The following TAF2 variants were observed in gnomAD, a reference collection of about 807,000 sequenced individuals.
TAF2 encodes TATA-box binding protein associated factor 2.
A neutral mutation model predicts 138.5 loss-of-function variants in TAF2; 61 were observed. That is an observed-to-expected ratio of 0.44 (90% CI 0.36 to 0.54). The LOEUF is 0.54. Among genes scored for constraint, TAF2 ranks in the 20% least tolerant of loss-of-function variants. The pLI, the probability that TAF2 is intolerant of heterozygous loss-of-function variation, is 0.00. For synonymous variants in TAF2, 475 were observed against 469.9 expected, an observed-to-expected ratio of 1.01 and a Z score of -0.14; for missense variants, 1,090 against 1,427.9, an observed-to-expected ratio of 0.76 and a Z score of 3.81.
Position 119,832,482 on chromosome 8 carries a change from A to G in TAF2, c.83T>C (p.Leu28Ser). The G allele has an allele frequency of 6.2e-7, 1 of 1,613,458 alleles. No individual in the cohort carries two copies. Among genetic ancestry groups the G allele is most frequent in the Non-Finnish European group, 8.5e-7 (1 of 1,179,696 alleles). ...KGFESPRPYK[L>S]THQVVCINNI... Reference sequence around the variant, plus strand: ...GGAAGGGAAATGAAAAAATACTTATAATTTATATGGCCTTGGGCTTTCAAA... The same window carrying G: ...GGAAGGGAAATGAAAAAATACTTATGATTTATATGGCCTTGGGCTTTCAAA... The change falls in exon 1 of 26, where the codon TTA becomes TCA. Residue 28 changes from leucine (L) to serine (S), a missense_variant and splice_region_variant. By Grantham distance (145) the Leu-to-Ser change is moderately radical. This residue lies in a region of TAF2 where 504 missense variants were observed against 680.9 expected (regional missense o/e 0.74). Transcript: ENST00000378164.
intron 25 of TAF2, among the ~76,000 whole-genome samples, chr8:119,733,441 G>C (rs1036672599): frequency 6.6e-6 from 1 of 152,158 alleles, no homozygotes. Context: ...TGTCCTGTTA[G>C]CCTTTAGCTA....
chr8:119,791,998 G>A (rs1284136940), intron 10 of TAF2: 1 of 152,618 alleles, frequency 6.6e-6, no homozygotes, highest in Non-Finnish European at 1.5e-5. Flanking sequence ...TAAATTTAGA[G>A]AAAGATACAG....
intron 22 of TAF2, among the ~76,000 whole-genome samples, chr8:119,754,828 A>G (rs1050858680): frequency 9.2e-5 from 14 of 152,240 alleles, no homozygotes; most frequent in Non-Finnish European, 2.9e-5. Flanking sequence ...CACAGACATA[A>G]GGCAAATTTT....
chr8:119,812,233 T>C (rs1825119492), intron 3 of TAF2, among the ~76,000 whole-genome samples: 1 of 152,206 alleles, frequency 6.6e-6, no homozygotes, highest in Non-Finnish European at 1.5e-5. Context: ...TATGTGACCT[T>C]GTTAGGTTAA....
chr8:119,832,685 G>A lies in TAF2; in HGVS notation c.-121C>T, dbSNP rs1826543625. ...CCCAAGTCACGTCTCGCAGCTGGCC[G>A]GTGCCCAGGTGAGCGACCTGACGGG... is the stretch of plus-strand genomic sequence containing the variant. On this transcript the variant is annotated 5_prime_UTR_variant, in exon 1 of 26. Transcript: ENST00000378164. 5.6e-6 allele frequency: 5 copies of A among 900,166 alleles called. No homozygotes were observed. Among genetic ancestry groups the A allele is most frequent in the African/African-American group, 1.7e-5 (1 of 59,906 alleles). 55.8% of individuals were successfully genotyped at this position (900,166 alleles called of 1,614,324 possible). A position where few individuals can be genotyped will look rare whatever the true frequency, so the allele number is the denominator to read the frequency against.
intron 3 of TAF2, among the ~76,000 whole-genome samples, chr8:119,810,149 A>G (rs1291044830): frequency 6.6e-6 from 1 of 152,122 alleles, no homozygotes; most frequent in Non-Finnish European, 1.5e-5. Flanking sequence ...ATTTTAACAT[A>G]TGTACAGATT....
chr8:119,827,022 C>T lies in TAF2; in HGVS notation c.138+4655G>A, dbSNP rs187512846. On this transcript the variant is annotated intron_variant, in intron 2 of 25. Coordinates refer to ENST00000378164, the MANE Select transcript of TAF2 (RefSeq NM_003184.4). Reference sequence around the variant, plus strand: ...CAGCCTAAGCAACATGGCAAAACTCCGTCTCTACAAAAAATACAAAAATTA... The same window carrying T: ...CAGCCTAAGCAACATGGCAAAACTCTGTCTCTACAAAAAATACAAAAATTA... 2.7e-3 allele frequency among the ~76,000 whole-genome samples: 413 copies of T among 152,152 alleles called. 2 individuals are homozygous for T. The highest frequency in any genetic ancestry group is 9.1e-3 in the African/African-American group (380 of 41,546).
At chr8:119,828,612 G>A (rs954388261) in intron 2 of TAF2, among the ~76,000 whole-genome samples, 10 of 152,174 alleles carry the variant, frequency 6.6e-5, no homozygotes, top group South Asian at 4.1e-4. Flanking sequence ...AGGAAACACC[G>A]AAGGGGTGAA....
At chr8:119,780,655 G>A (rs777188732) in intron 17 of TAF2, among the ~76,000 whole-genome samples, 15 of 152,140 alleles carry the variant, frequency 9.9e-5, no homozygotes, top group Non-Finnish European at 2.1e-4. Context: ...AAAAAAAGAG[G>A]CCGGGCGCGG....
chr8:119,739,504 G>C lies in TAF2; in HGVS notation c.3337+3030C>G, dbSNP rs148203250. Among the ~76,000 whole-genome samples the C allele has an allele frequency of 2.0e-3, 307 of 151,962 alleles. 1 individual carries two copies. Among genetic ancestry groups the C allele is most frequent in the Middle Eastern group, 6.8e-3 (2 of 294 alleles). ...CAAATGCAAGGAAAGGGAAAACTGG[G>C]GAAGCAAGGTTAAAAAGTAAACCAT... is the stretch of plus-strand genomic sequence containing the variant. On this transcript the variant is annotated intron_variant, in intron 25 of 25. Coordinates refer to ENST00000378164, the MANE Select transcript of TAF2 (RefSeq NM_003184.4).
At chr8:119,732,955 C>T (rs2130963239) in intron 25 of TAF2, among the ~76,000 whole-genome samples, 1 of 152,118 alleles carries the variant, frequency 6.6e-6, no homozygotes, top group African/African-American at 2.4e-5. Flanking sequence ...CTGCGTGAGC[C>T]CATTTATATG....
intron 18 of TAF2, among the ~76,000 whole-genome samples, chr8:119,767,807 T>G: frequency 6.6e-6 from 1 of 152,208 alleles, no homozygotes; most frequent in East Asian, 1.9e-4. Context: ...GCAGCCGCCC[T>G]GCCACTGCAT....
chr8:119,807,553 G>A (rs954759035), intron 3 of TAF2, among the ~76,000 whole-genome samples: 13 of 152,208 alleles, frequency 8.5e-5, no homozygotes, highest in Non-Finnish European at 1.5e-4. Flanking sequence ...CTTTATGTCT[G>A]CCATCCTGCC....
intron 18 of TAF2, among the ~76,000 whole-genome samples, chr8:119,767,658 C>T (rs1821529781): frequency 6.6e-6 from 1 of 152,196 alleles, no homozygotes; most frequent in Admixed American, 6.5e-5. Context: ...GCAGGCAGAC[C>T]CGGCATTTTC....
chr8:119,768,557 T>C (rs1821607318), intron 18 of TAF2, among the ~76,000 whole-genome samples: 1 of 152,200 alleles, frequency 6.6e-6, no homozygotes, highest in Non-Finnish European at 1.5e-5. Context: ...TTGAATGTAT[T>C]GAGACTTGCT....
At chr8:119,744,995 T>C in intron 23 of TAF2, 1 of 456,254 alleles carries the variant, frequency 2.2e-6, no homozygotes, top group Middle Eastern at 3.3e-4. Context: ...GCTGATGAGC[T>C]GATATATTAC....
At chr8:119,742,939 C>T (rs185572339) in intron 24 of TAF2, among the ~76,000 whole-genome samples, 16 of 151,778 alleles carry the variant, frequency 1.1e-4, no homozygotes, top group African/African-American at 1.7e-4. Flanking sequence ...CATGGTGGTG[C>T]GCGCCTGTAG....
chr8:119,793,906 A>ATTTTTTTTT (rs1823626267), intron 9 of TAF2, among the ~76,000 whole-genome samples: 1 of 150,432 alleles, frequency 6.6e-6, no homozygotes, highest in Non-Finnish European at 1.5e-5. Flanking sequence ...TTAAACAGAA[A>ATTTTTTTTT]AAAAAAGGGG....
intron 2 of TAF2, among the ~76,000 whole-genome samples, chr8:119,821,791 C>G (rs1825819681): frequency 6.6e-6 from 1 of 152,114 alleles, no homozygotes; most frequent in South Asian, 2.1e-4. Flanking sequence ...AATCCTAGCA[C>G]TTTGGGAGGC....
Sources: allele counts gnomAD v4.1 joint callset (sites outside exome capture counted in the v4.1 genomes callset), GRCh38; gene constraint gnomAD v4.1.1; regional missense constraint gnomAD v4.1.1; transcripts MANE v1.5; gene names NCBI Gene and HGNC (gene_info 2026-07-23, HGNC 2026-07-21).